ROCK2: variants seen among roughly 807,000 people sequenced by gnomAD.
The protein encoded by ROCK2 is Rho associated coiled-coil containing protein kinase 2.
ROCK2 carries 61 observed loss-of-function variants against 195.1 expected under a neutral mutation model. The ratio of observed to expected loss-of-function variants is 0.31; its 90% CI spans 0.25 to 0.39. The LOEUF (loss-of-function observed/expected upper bound fraction) is 0.39, where lower values mean the gene tolerates loss of function less well. Ranked by LOEUF, ROCK2 falls within the 10% of genes least tolerant of loss-of-function variation. The pLI, the probability that ROCK2 is intolerant of heterozygous loss-of-function variation, is 1.00. For synonymous variants in ROCK2, 504 were observed against 545.5 expected, an observed-to-expected ratio of 0.92 and a Z score of 1.06; for missense variants, 1,109 against 1,637.4, an observed-to-expected ratio of 0.68 and a Z score of 5.57.
chr2:11,338,961 G>T (rs771402539), intron 1 of ROCK2, among the ~76,000 whole-genome samples: 1 of 151,818 alleles, frequency 6.6e-6, no homozygotes, highest in Non-Finnish European at 1.5e-5. Context: ...GAAGAAAATG[G>T]TGTGTGAAAT....
intron 3 of ROCK2, among the ~76,000 whole-genome samples, chr2:11,283,908 G>T (rs1667102804): frequency 6.6e-6 from 1 of 152,122 alleles, no homozygotes; most frequent in South Asian, 2.1e-4. Context: ...AAGATCCTTG[G>T]TATTTAACCA....
At chr2:11,228,273 A>T (rs1315445929) in intron 5 of ROCK2, among the ~76,000 whole-genome samples, 1 of 152,138 alleles carries the variant, frequency 6.6e-6, no homozygotes, top group Non-Finnish European at 1.5e-5. Flanking sequence ...AGCTATACAA[A>T]CTACCTAATA....
intron 1 of ROCK2, among the ~76,000 whole-genome samples, chr2:11,326,106 T>C (rs111759419): frequency 1.3e-5 from 2 of 152,104 alleles, no homozygotes; most frequent in African/African-American, 4.8e-5. Flanking sequence ...AGATGCCCAG[T>C]AGGTAGCTGG....
In ROCK2 at chr2:11,221,981, T is replaced by C. The variant is rs373564266; in HGVS notation, c.1099+102A>G. ...GAAATTTCTCAATTTAAAAATGAGT[T>C]AGCATTAAGTGTTATCAAATATGCT... On this transcript the variant is annotated intron_variant, in intron 8 of 32. Transcript: ENST00000315872. 2.6e-5 allele frequency: 17 copies of C among 647,048 alleles called. 1 individual carries two copies. The highest frequency in any genetic ancestry group is 1.9e-4 in the South Asian group (8 of 42,250). 40.1% of individuals were successfully genotyped at this position (647,048 alleles called of 1,614,324 possible).
At chr2:11,210,765 T>C (rs866157128) in intron 18 of ROCK2, among the ~76,000 whole-genome samples, 1 of 152,248 alleles carries the variant, frequency 6.6e-6, no homozygotes, top group African/African-American at 2.4e-5. Context: ...CTCTGTCTTC[T>C]AGGCCACAGA....
chr2:11,309,763 T>C (rs1291613488), intron 1 of ROCK2, among the ~76,000 whole-genome samples: 1 of 152,206 alleles, frequency 6.6e-6, no homozygotes, highest in African/African-American at 2.4e-5. Flanking sequence ...GAAGACCACT[T>C]GAGCTCAGGA....
At position 11,344,541 on chromosome 2, in the gene ROCK2, A is replaced by G; in HGVS notation, c.-405T>C. 1 of 965,610 alleles carries G rather than the reference A, an allele frequency of 1.0e-6. No homozygotes were observed. The highest frequency in any genetic ancestry group is 1.2e-6 in the Non-Finnish European group (1 of 815,340). 59.8% of individuals were successfully genotyped at this position (965,610 alleles called of 1,614,324 possible). A position where few individuals can be genotyped will look rare whatever the true frequency, so the allele number is the denominator to read the frequency against. ...GGCTGAAGCCCAGGCCTGGGCCACT[A>G]CGGCCGCCGCCGGCCCGCTGCCATG... is the stretch of plus-strand genomic sequence containing the variant. On this transcript the variant is annotated 5_prime_UTR_variant, in exon 1 of 33. The change abolishes the stop of an existing upstream ORF in the 5' untranslated region. Transcript: ENST00000315872. The surrounding 1 kb of genome is among the most constrained non-coding windows in gnomAD (Gnocchi z 5.4).
At chr2:11,193,067 A>G (rs933161998) in intron 30 of ROCK2, among the ~76,000 whole-genome samples, 2 of 152,316 alleles carry the variant, frequency 1.3e-5, no homozygotes, top group African/African-American at 2.4e-5. Context: ...CAAAATAATC[A>G]CTTGAAGAAA....
chr2:11,306,803 CATA>C (rs1011692038), intron 1 of ROCK2, among the ~76,000 whole-genome samples: 6 of 152,140 alleles, frequency 3.9e-5, no homozygotes, highest in Non-Finnish European at 1.5e-5. Flanking sequence ...CAAGCAAAGC[CATA>C]ATACTGCAGC....
At position 11,286,618 on chromosome 2, in the gene ROCK2, AT is replaced by A; in HGVS notation, c.244del (p.Ile82SerfsTer6). 1 of 1,604,078 alleles carries A rather than the reference AT, an allele frequency of 6.2e-7. No homozygotes were observed. Among genetic ancestry groups the A allele is most frequent in the Non-Finnish European group, 8.5e-7 (1 of 1,173,014 alleles). ...LNRYEKIVKK[I>X]RGLQMKAEDY... ...TTCTGCCTTCATCTGTAGACCTCTG[AT>A]TTTTTTCACAATTTTCTCATCTACC... On this transcript the variant is annotated frameshift_variant, in exon 3 of 33. Transcript: ENST00000315872. LOFTEE classifies it high-confidence loss of function.
chr2:11,192,815 CAA>C lies in ROCK2; in HGVS notation c.3688-105_3688-104del, dbSNP rs556739989. 2.7e-4 allele frequency: 345 copies of C among 1,280,710 alleles called. No homozygotes were observed. In the African/African-American group the frequency reaches 3.3e-3, roughly 12 times the overall value. 79.3% of individuals were successfully genotyped at this position (1,280,710 alleles called of 1,614,324 possible). Reference sequence around the variant, plus strand: ...TAAAATAAAATTAGCCTAAATTATTCAAAGAGAAGAAAATGTATCTGAAGTAC... The same window carrying C: ...TAAAATAAAATTAGCCTAAATTATTCAGAGAAGAAAATGTATCTGAAGTAC... On this transcript the variant is annotated intron_variant, in intron 30 of 32. Transcript: ENST00000315872. The surrounding 1 kb of genome is among the most constrained non-coding windows in gnomAD (Gnocchi z 5.0).
intron 1 of ROCK2, among the ~76,000 whole-genome samples, chr2:11,322,278 T>C (rs1668424460): frequency 6.6e-6 from 1 of 152,094 alleles, no homozygotes; most frequent in South Asian, 2.1e-4. Context: ...TTGTACACCA[T>C]AAATACACAT....
intron 4 of ROCK2, among the ~76,000 whole-genome samples, chr2:11,237,786 G>A (rs1230468895): frequency 6.6e-6 from 1 of 152,158 alleles, no homozygotes; most frequent in Non-Finnish European, 1.5e-5. Flanking sequence ...TTGACAAAAT[G>A]AAGAATAGCT....
intron 1 of ROCK2, among the ~76,000 whole-genome samples, chr2:11,310,810 A>G (rs914712523): frequency 6.6e-6 from 1 of 152,042 alleles, no homozygotes; most frequent in Non-Finnish European, 1.5e-5. Context: ...ATTTTAAGTT[A>G]CACTAAATTA....
At position 11,192,062 on chromosome 2, in the gene ROCK2, A is replaced by C. The variant is rs1193753436; in HGVS notation, c.4163+86T>G. ...CTAAAATACAAAGCAAAGGAAAACT[A>C]ATTAGGAAAATTTGTAGTTTGAACA... On this transcript the variant is annotated intron_variant, in intron 32 of 32. Transcript: ENST00000315872. This position sits in a 1 kb window ranked among gnomAD's most constrained non-coding sequence, Gnocchi z 5.0. 2 of 967,300 alleles carry C rather than the reference A, an allele frequency of 2.1e-6. No individual in the cohort carries two copies. The highest frequency in any genetic ancestry group is 3.3e-5 in the African/African-American group (2 of 60,656). The allele number at this position is 967,300 out of a possible 1,614,324, so 59.9% of individuals were successfully genotyped here. A position where few individuals can be genotyped will look rare whatever the true frequency, so the allele number is the denominator to read the frequency against.
intron 1 of ROCK2, among the ~76,000 whole-genome samples, chr2:11,322,250 C>T (rs985052647): frequency 3.0e-4 from 45 of 152,096 alleles, no homozygotes; most frequent in South Asian, 2.1e-4. Context: ...TTTCAAAAAT[C>T]GAGGTGTTAA....
At chr2:11,253,932 T>G (rs1665924079) in intron 3 of ROCK2, among the ~76,000 whole-genome samples, 1 of 152,198 alleles carries the variant, frequency 6.6e-6, no homozygotes, top group South Asian at 2.1e-4. Flanking sequence ...TATCAGATAC[T>G]CTATAAAATG....
At chr2:11,187,184 T>C (rs1034893991) in intron 32 of ROCK2, among the ~76,000 whole-genome samples, 6 of 152,232 alleles carry the variant, frequency 3.9e-5, no homozygotes, top group Admixed American at 2.0e-4. Context: ...AGTCCCCCCA[T>C]ATCCTTGTCT....
chr2:11,232,176 G>T (rs908191996), intron 5 of ROCK2, among the ~76,000 whole-genome samples: 1 of 151,782 alleles, frequency 6.6e-6, no homozygotes, highest in Non-Finnish European at 1.5e-5. Context: ...CAGGCTGGAG[G>T]GCTGTGGCCT....
Sources: gnomAD v4.1 joint callset for allele counts (sites outside exome capture counted in the v4.1 genomes callset) on GRCh38, gnomAD v4.1.1 for gene constraint, Gnocchi (gnomAD v3.1) non-coding constraint, MANE v1.5 for transcripts, NCBI Gene and HGNC (gene_info 2026-07-23, HGNC 2026-07-21) for gene names.